Variants in MYT1L observed in about 807,000 individuals in gnomAD.
The protein encoded by MYT1L is myelin transcription factor 1-like protein.
In MYT1L, 12 loss-of-function variants were observed where a neutral mutation model predicts 126.7. The observed-to-expected ratio is 0.09, with a 90% CI of 0.06 to 0.15. The LOEUF (loss-of-function observed/expected upper bound fraction) is 0.15, where lower values mean the gene tolerates loss of function less well. Among genes scored for constraint, MYT1L ranks in the 10% least tolerant of loss-of-function variants. The probability of loss-of-function intolerance (pLI) is 1.00; values close to 1 mark genes in which losing one functional copy is unlikely to be tolerated. For synonymous variants in MYT1L, 541 were observed against 604.2 expected (o/e 0.90, Z 1.53); for missense variants, 979 against 1,585.2 (o/e 0.62, Z 6.49).
intron 8 of MYT1L, among the ~76,000 whole-genome samples, chr2:1,948,592 G>A (rs970181198): frequency 1.3e-5 from 2 of 152,182 alleles, no homozygotes; most frequent in African/African-American, 4.8e-5. Context: ...TCCTGCCCTC[G>A]TATTCTGTGA....
chr2:2,271,403 A>T (rs2095260625), intron 2 of MYT1L, among the ~76,000 whole-genome samples: 1 of 152,182 alleles, frequency 6.6e-6, no homozygotes, highest in Non-Finnish European at 1.5e-5. Flanking sequence ...GATATGATAA[A>T]GGATGGCTTA....
chr2:2,276,397 G>A (rs2095359426), intron 2 of MYT1L, among the ~76,000 whole-genome samples: 1 of 152,196 alleles, frequency 6.6e-6, no homozygotes, highest in East Asian at 1.9e-4. Context: ...TCATTGGGAT[G>A]TGGATCAGAC....
Position 1,789,452 on chromosome 2 carries a change from C to T in MYT1L, c.*2415G>A, listed in dbSNP as rs972216346. On this transcript the variant is annotated 3_prime_UTR_variant, in exon 25 of 25. Coordinates refer to ENST00000647738, the MANE Select transcript of MYT1L (RefSeq NM_001303052.2). ...CACAATAATCCATATGAAAGGTCAGCATTCTAATATGTGACACTTTTGTGA... is the reference window on the plus strand; with the variant it reads ...CACAATAATCCATATGAAAGGTCAGTATTCTAATATGTGACACTTTTGTGA... 1 of 152,178 alleles carries T rather than the reference C, an allele frequency of 6.6e-6. No individual in the cohort carries two copies. Among genetic ancestry groups the T allele is most frequent in the Non-Finnish European group, 1.5e-5 (1 of 68,038 alleles). 9.4% of individuals were successfully genotyped at this position (152,178 alleles called of 1,614,324 possible). A position where few individuals can be genotyped will look rare whatever the true frequency, so the allele number is the denominator to read the frequency against.
chr2:2,055,644 A>T (rs1003104611), intron 3 of MYT1L, among the ~76,000 whole-genome samples: 7 of 152,340 alleles, frequency 4.6e-5, no homozygotes, highest in Admixed American at 4.6e-4. Context: ...AATTTAAATA[A>T]ATCTTATAAA....
At chr2:1,816,878 C>G (rs2037741596) in intron 21 of MYT1L, 1 of 152,402 alleles carries the variant, frequency 6.6e-6, no homozygotes, top group African/African-American at 2.4e-5. Context: ...GACGAGAGGA[C>G]CCCGGGGTCC....
intron 2 of MYT1L, among the ~76,000 whole-genome samples, chr2:2,272,267 C>T (rs1182662870): frequency 6.6e-6 from 1 of 152,152 alleles, no homozygotes; most frequent in East Asian, 1.9e-4. Context: ...TGCTGGGTTC[C>T]AGCCCTGTCA....
At chr2:2,064,261 T>C (rs1253631044) in intron 3 of MYT1L, among the ~76,000 whole-genome samples, 1 of 152,176 alleles carries the variant, frequency 6.6e-6, no homozygotes. Context: ...CCTGGTTGAG[T>C]TGGAGCCAGC....
chr2:2,011,384 CAG>C (rs1223328891), intron 4 of MYT1L, among the ~76,000 whole-genome samples: 1 of 144,512 alleles, frequency 6.9e-6, no homozygotes, highest in Non-Finnish European at 1.5e-5. Flanking sequence ...GCCTGGGTGA[CAG>C]AGCAAGACTC....
chr2:2,157,164 C>G (rs2086868216), intron 3 of MYT1L, among the ~76,000 whole-genome samples: 1 of 152,152 alleles, frequency 6.6e-6, no homozygotes, highest in Non-Finnish European at 1.5e-5. Flanking sequence ...AGTGAACCTA[C>G]TGTCTAAAAT....
intron 4 of MYT1L, among the ~76,000 whole-genome samples, chr2:2,050,519 G>A (rs183067317): frequency 3.9e-5 from 6 of 152,282 alleles, no homozygotes; most frequent in South Asian, 4.1e-4. Context: ...CTGCGGAGGC[G>A]CCACAGGTGT....
chr2:1,944,372 AG>A (rs1344879288), intron 8 of MYT1L, among the ~76,000 whole-genome samples: 1 of 152,198 alleles, frequency 6.6e-6, no homozygotes, highest in Non-Finnish European at 1.5e-5. Flanking sequence ...ACAAAAAAAT[AG>A]GTGGGTTAGG....
chr2:1,986,748 T>G (rs1349050945), intron 5 of MYT1L, among the ~76,000 whole-genome samples: 1 of 152,150 alleles, frequency 6.6e-6, no homozygotes, highest in African/African-American at 2.4e-5. Context: ...CTCACTTCAC[T>G]TTGGAGGCCT....
intron 21 of MYT1L, among the ~76,000 whole-genome samples, chr2:1,813,624 A>C (rs2037075558): frequency 6.6e-6 from 1 of 152,124 alleles, no homozygotes. Flanking sequence ...AACGCTACTG[A>C]GAACTGCGCC....
At chr2:2,134,072 C>T (rs1234064640) in intron 3 of MYT1L, among the ~76,000 whole-genome samples, 1 of 152,166 alleles carries the variant, frequency 6.6e-6, no homozygotes, top group Non-Finnish European at 1.5e-5. Flanking sequence ...TGATCAAACA[C>T]AATTCAACGT....
intron 3 of MYT1L, among the ~76,000 whole-genome samples, chr2:2,158,464 A>G (rs2087118952): frequency 1.3e-5 from 2 of 152,200 alleles, no homozygotes; most frequent in Non-Finnish European, 2.9e-5. Context: ...AATGCGCACC[A>G]TGAGATCGCT....
Position 1,789,585 on chromosome 2 carries a change from CA to C in MYT1L, c.*2281del, listed in dbSNP as rs1339775824. On this transcript the variant is annotated 3_prime_UTR_variant, in exon 25 of 25. Coordinates refer to ENST00000647738, the MANE Select transcript of MYT1L (RefSeq NM_001303052.2). Reference sequence around the variant, plus strand: ...CCTTTCCATTGTACATAGGTGATAACAATAAGAATCCAAAACTGATACTATC... The same window carrying C: ...CCTTTCCATTGTACATAGGTGATAACATAAGAATCCAAAACTGATACTATC... 1 of 152,080 alleles carries C rather than the reference CA, an allele frequency of 6.6e-6. No homozygotes were observed. The highest frequency in any genetic ancestry group is 2.4e-5 in the African/African-American group (1 of 41,394). The allele number at this position is 152,080 out of a possible 1,614,324, so 9.4% of individuals were successfully genotyped here.
chr2:2,185,130 ACT>A (rs1338943702), intron 2 of MYT1L, among the ~76,000 whole-genome samples: 11 of 151,864 alleles, frequency 7.2e-5, no homozygotes, highest in Admixed American at 5.3e-4. Context: ...CCATCCAATA[ACT>A]CTCTGTTCTG....
Position 1,922,162 on chromosome 2 carries a change from C to A in MYT1L, c.1483+124G>T. ...TCACAAAATATCCTTCTGGAATCAA[C>A]TCTAAGAATGTGCAGTAGAGACATA... On this transcript the variant is annotated intron_variant, in intron 10 of 24. Transcript: ENST00000647738. This position sits in a 1 kb window ranked among gnomAD's most constrained non-coding sequence, Gnocchi z 7.4. 7.9e-7 allele frequency: 1 copy of A among 1,270,522 alleles called. No homozygotes were observed. Among genetic ancestry groups the A allele is most frequent in the Non-Finnish European group, 1.1e-6 (1 of 933,058 alleles). 78.7% of individuals were successfully genotyped at this position (1,270,522 alleles called of 1,614,324 possible).
intron 2 of MYT1L, among the ~76,000 whole-genome samples, chr2:2,194,949 T>C (rs1327311664): frequency 6.6e-6 from 1 of 152,246 alleles, no homozygotes; most frequent in East Asian, 1.9e-4. Flanking sequence ...CTTAACTACC[T>C]GATGTAGTCA....
Sources: gnomAD v4.1 joint callset for allele counts (sites outside exome capture counted in the v4.1 genomes callset) on GRCh38, gnomAD v4.1.1 for gene constraint, Gnocchi (gnomAD v3.1) non-coding constraint, MANE v1.5 for transcripts, NCBI Gene and HGNC (gene_info 2026-07-23, HGNC 2026-07-21) for gene names.